The following FRMD6 variants were observed in gnomAD, a reference collection of about 807,000 sequenced individuals.
FRMD6 encodes FERM domain containing 6.
FRMD6 carries 37 observed loss-of-function variants against 73.2 expected under a neutral mutation model. The ratio of observed to expected loss-of-function variants is 0.51; its 90% confidence interval spans 0.39 to 0.66. FRMD6 has a LOEUF of 0.66. Among genes scored for constraint, FRMD6 ranks in the 30% least tolerant of loss-of-function variants. The pLI is 0.00. For missense variants in FRMD6, 714 were observed against 780.5 expected, an observed-to-expected ratio of 0.91 and a Z score of 1.02; for synonymous variants, 273 against 282.2, an observed-to-expected ratio of 0.97 and a Z score of 0.33.
chr14:51,496,564 C>T (rs1883305441), intron 1 of FRMD6, among the ~76,000 whole-genome samples: 1 of 152,190 alleles, frequency 6.6e-6, no homozygotes, highest in Non-Finnish European at 1.5e-5. Context: ...AAGAGGATAA[C>T]AGTAAAAGCT....
the FRMD6 span, among the ~76,000 whole-genome samples, chr14:51,467,223 C>A: frequency 3.5e-4 from 39 of 110,972 alleles, no homozygotes; most frequent in African/African-American, 1.3e-3. Context: ...TCTTGCACCG[C>A]CCTTAATCCA....
chr14:51,645,902 T>G (rs1252176620), intron 2 of FRMD6, among the ~76,000 whole-genome samples: 1 of 152,092 alleles, frequency 6.6e-6, no homozygotes, highest in Non-Finnish European at 1.5e-5. Context: ...CAGTGGAACT[T>G]TTGTTGGTAT....
intron 2 of FRMD6, among the ~76,000 whole-genome samples, chr14:51,610,405 G>T (rs1177543206): frequency 4.0e-5 from 6 of 149,842 alleles, no homozygotes; most frequent in Non-Finnish European, 8.9e-5. Flanking sequence ...CTTGTATTTG[G>T]TTGGCCATTA....
intron 1 of FRMD6, among the ~76,000 whole-genome samples, chr14:51,530,721 A>G (rs1213074650): frequency 6.6e-6 from 1 of 151,920 alleles, no homozygotes; most frequent in Admixed American, 6.6e-5. Context: ...TCCTGAGCTC[A>G]AGTGGTTCAC....
chr14:51,589,851 C>T (rs1167749574), intron 2 of FRMD6, among the ~76,000 whole-genome samples: 1 of 152,096 alleles, frequency 6.6e-6, no homozygotes, highest in Non-Finnish European at 1.5e-5. Flanking sequence ...GGTGGATCAC[C>T]TGAGGTCAGG....
rs140053611 is a variant in FRMD6, at chr14:51,703,134, C to A, written c.371+546C>A. 3.7e-3 allele frequency among the ~76,000 whole-genome samples: 568 copies of A among 152,094 alleles called. 3 individuals carry two copies. Among genetic ancestry groups the A allele is most frequent in the African/African-American group, 0.013 (538 of 41,518 alleles). On this transcript the variant is annotated intron_variant, in intron 5 of 13. Transcript: ENST00000344768. ...CCCAGTGAAGCTATCCTATCAGAATCTTAGATGCAATTTGACAAGGGCAGG... is the reference window on the plus strand; with the variant it reads ...CCCAGTGAAGCTATCCTATCAGAATATTAGATGCAATTTGACAAGGGCAGG...
chr14:51,451,656 C>T, the FRMD6 span, among the ~76,000 whole-genome samples: 2 of 152,230 alleles, frequency 1.3e-5, no homozygotes, highest in African/African-American at 4.8e-5. Flanking sequence ...GCTGGAGTTA[C>T]AGGCGTGAGC....
intron 2 of FRMD6, among the ~76,000 whole-genome samples, chr14:51,604,930 T>C (rs1015859724): frequency 3.3e-5 from 5 of 152,166 alleles, no homozygotes; most frequent in African/African-American, 1.2e-4. Context: ...CACAAGTGAA[T>C]ATATTCCAGT....
chr14:51,440,104 C>A, the FRMD6 span, among the ~76,000 whole-genome samples: 4 of 152,138 alleles, frequency 2.6e-5, no homozygotes, highest in African/African-American at 4.8e-5. Context: ...GATAAGAAAG[C>A]GCAGCGCCCT....
chr14:51,545,773 A>G (rs8013974), intron 1 of FRMD6, among the ~76,000 whole-genome samples: 43,145 of 152,050 alleles, frequency 0.28, 6,161 homozygotes, highest in Middle Eastern at 0.37. Context: ...TCAACTGTTT[A>G]TCAAATTGAT....
upstream of FRMD6, among the ~76,000 whole-genome samples, chr14:51,485,998 C>G (rs549588790): frequency 6.6e-6 from 1 of 151,362 alleles, no homozygotes; most frequent in Non-Finnish European, 1.5e-5. Flanking sequence ...ACCATACTTG[C>G]AAGTTTGCAA....
intron 1 of FRMD6, among the ~76,000 whole-genome samples, chr14:51,540,218 A>G (rs936183809): frequency 2.0e-5 from 3 of 152,174 alleles, no homozygotes; most frequent in Non-Finnish European, 4.4e-5. Flanking sequence ...GAGCCAAGAT[A>G]TGGTGGGGCT....
At chr14:51,527,187 G>A (rs948996320) in intron 1 of FRMD6, among the ~76,000 whole-genome samples, 13 of 152,260 alleles carry the variant, frequency 8.5e-5, no homozygotes, top group Non-Finnish European at 1.8e-4. Flanking sequence ...TAAAGAAGTA[G>A]CCACTGTTCC....
At chr14:51,627,826 T>C (rs1891174484) in intron 2 of FRMD6, among the ~76,000 whole-genome samples, 1 of 152,174 alleles carries the variant, frequency 6.6e-6, no homozygotes, top group Non-Finnish European at 1.5e-5. Flanking sequence ...GGACAGTGAA[T>C]AGTCATCCCT....
chr14:51,702,466 A>C (rs1896381496), intron 4 of FRMD6, 46 bp from the exon 5 acceptor site: 1 of 1,527,178 alleles, frequency 6.5e-7, no homozygotes, highest in Middle Eastern at 1.7e-4. Flanking sequence ...CCCATTTTCA[A>C]AGTAACTAGA....
the FRMD6 span, among the ~76,000 whole-genome samples, chr14:51,441,119 G>T: frequency 4.6e-4 from 70 of 152,326 alleles, no homozygotes; most frequent in African/African-American, 1.5e-3. Context: ...AGCAGGCATG[G>T]AGTCACTGCT....
At chr14:51,453,938 C>T in the FRMD6 span, among the ~76,000 whole-genome samples, 7 of 152,172 alleles carry the variant, frequency 4.6e-5, no homozygotes, top group Non-Finnish European at 8.8e-5. Context: ...AGGAGCCATT[C>T]AAAGCCCACT....
chr14:51,403,026 C>T, the FRMD6 span, among the ~76,000 whole-genome samples: 1 of 152,176 alleles, frequency 6.6e-6, no homozygotes, highest in African/African-American at 2.4e-5. Context: ...TCTTCAATCT[C>T]TCTCCCAAAT....
At chr14:51,681,862 A>G (rs560946171) in intron 1 of FRMD6, among the ~76,000 whole-genome samples, 11 of 152,182 alleles carry the variant, frequency 7.2e-5, no homozygotes, top group Non-Finnish European at 1.0e-4. Context: ...TTACTGATCA[A>G]TTTTCAAATT....
Sources: allele counts gnomAD v4.1 joint callset (sites outside exome capture counted in the v4.1 genomes callset), GRCh38; gene constraint gnomAD v4.1.1; transcripts MANE v1.5; gene names NCBI Gene and HGNC (gene_info 2026-07-23, HGNC 2026-07-21).